Variants in SHANK2 observed in about 807,000 individuals in gnomAD.
The protein encoded by SHANK2 is SH3 and multiple ankyrin repeat domains 2.
SHANK2 carries 43 observed loss-of-function variants against 133.7 expected under a neutral mutation model. The observed-to-expected ratio is 0.32, with a 90% CI of 0.25 to 0.41. The LOEUF (loss-of-function observed/expected upper bound fraction) is 0.41. Ranked by LOEUF, SHANK2 falls within the 10% of genes least tolerant of loss-of-function variation. The pLI is 1.00. For synonymous variants in SHANK2, 1,017 were observed against 952.8 expected (o/e 1.07, Z -1.24); for missense variants, 1,994 against 2,235.8 (o/e 0.89, Z 2.18).
chr11:71,178,649 C>A (rs1353716703), intron 2 of SHANK2, among the ~76,000 whole-genome samples: 2 of 151,890 alleles, frequency 1.3e-5, no homozygotes, highest in Non-Finnish European at 2.9e-5. Context: ...AAAATAAAGA[C>A]AAATACAAAT....
At chr11:70,947,305 G>A (rs782517323) in intron 10 of SHANK2, among the ~76,000 whole-genome samples, 1 of 151,568 alleles carries the variant, frequency 6.6e-6, no homozygotes, top group Non-Finnish European at 1.5e-5. Context: ...GGGTCTGGCT[G>A]CAGAGCACCT....
chr11:70,596,095 A>G (rs2060395979), intron 17 of SHANK2, among the ~76,000 whole-genome samples: 1 of 152,198 alleles, frequency 6.6e-6, no homozygotes, highest in African/African-American at 2.4e-5. Flanking sequence ...CACCCAGCTG[A>G]CACCTTGGTT....
chr11:70,914,914 A>C (rs1168973713), intron 10 of SHANK2, among the ~76,000 whole-genome samples: 1 of 150,846 alleles, frequency 6.6e-6, no homozygotes, highest in African/African-American at 2.4e-5. Flanking sequence ...AAAAAAAAGA[A>C]AGAAAGAAAA....
chr11:70,582,031 G>A (rs1554985590), intron 17 of SHANK2, among the ~76,000 whole-genome samples: 2 of 152,228 alleles, frequency 1.3e-5, no homozygotes, highest in East Asian at 3.9e-4. Context: ...CTGGTCAATG[G>A]GAGGGGACAG....
At chr11:70,616,957 T>G (rs1371150762) in intron 17 of SHANK2, among the ~76,000 whole-genome samples, 1 of 152,118 alleles carries the variant, frequency 6.6e-6, no homozygotes, top group African/African-American at 2.4e-5. Flanking sequence ...AGTGTGTGTG[T>G]ATGTGTGTGA....
intron 9 of SHANK2, among the ~76,000 whole-genome samples, chr11:71,061,993 T>C (rs1466421015): frequency 2.1e-4 from 30 of 144,734 alleles, no homozygotes; most frequent in African/African-American, 7.1e-4. Context: ...TTTTTTTTTT[T>C]CTTGAGACAG....
chr11:70,554,488 T>C (rs1362793684), intron 17 of SHANK2, among the ~76,000 whole-genome samples: 2 of 125,130 alleles, frequency 1.6e-5, no homozygotes, highest in African/African-American at 2.9e-5. Context: ...TTTTGGAACA[T>C]TTTTGGATTT....
rs1214604910 is a variant in SHANK2, at chr11:70,535,624, AGTGTT to A, written c.2062-32698_2062-32694del. The stretch of plus-strand genomic sequence containing the variant: ...CTGTCAGGTTGCCTCTGTGAGGTCA[AGTGTT>A]GTGCTAGACGCTGGGGAATGAATAA... On this transcript the variant is annotated intron_variant, in intron 17 of 25. Coordinates refer to ENST00000601538, the MANE Select transcript of SHANK2 (RefSeq NM_012309.5). This position sits in a 1 kb window ranked among gnomAD's most constrained non-coding sequence, Gnocchi z 4.3. Among the ~76,000 whole-genome samples the A allele has an allele frequency of 1.3e-5, 2 of 152,120 alleles. No homozygotes were observed. Among genetic ancestry groups the A allele is most frequent in the African/African-American group, 4.8e-5 (2 of 41,410 alleles).
At chr11:70,614,689 G>C (rs1410438294) in intron 17 of SHANK2, among the ~76,000 whole-genome samples, 1 of 152,200 alleles carries the variant, frequency 6.6e-6, no homozygotes, top group African/African-American at 2.4e-5. Context: ...CCATCCTCCA[G>C]TCTTTGTCTC....
chr11:70,897,965 T>G (rs1949962294), intron 10 of SHANK2, among the ~76,000 whole-genome samples: 1 of 147,182 alleles, frequency 6.8e-6, no homozygotes, highest in Admixed American at 6.7e-5. Context: ...CACACACTTT[T>G]TTTTTTCTTT....
chr11:70,681,532 C>A (rs1945029237), intron 15 of SHANK2, among the ~76,000 whole-genome samples: 1 of 152,154 alleles, frequency 6.6e-6, no homozygotes, highest in Non-Finnish European at 1.5e-5. Context: ...AGAAATGGGA[C>A]CCACCAGCGG....
chr11:70,547,342 C>A (rs1174518249), intron 17 of SHANK2, among the ~76,000 whole-genome samples: 1 of 152,150 alleles, frequency 6.6e-6, no homozygotes. Flanking sequence ...CTCACTGCAA[C>A]CTCCACCTCT....
chr11:71,085,520 GCT>G (rs1951368155), intron 8 of SHANK2, among the ~76,000 whole-genome samples: 2 of 98,080 alleles, frequency 2.0e-5, no homozygotes, highest in African/African-American at 4.0e-5. Flanking sequence ...TATTATATAT[GCT>G]ATATATTATA....
At chr11:70,764,245 GCATCCATC>G (rs782104708) in intron 14 of SHANK2, among the ~76,000 whole-genome samples, 6 of 114,772 alleles carry the variant, frequency 5.2e-5, no homozygotes, top group African/African-American at 1.0e-4. Flanking sequence ...ACCCACCCAT[GCATCCATC>G]CATCCATCCA....
intron 17 of SHANK2, among the ~76,000 whole-genome samples, chr11:70,636,655 A>C (rs1310137700): frequency 7.0e-6 from 1 of 142,778 alleles, no homozygotes; most frequent in Non-Finnish European, 1.5e-5. Flanking sequence ...GAGCATATGA[A>C]TATATGTGTG....
chr11:70,565,427 T>C (rs2059956741), intron 17 of SHANK2, among the ~76,000 whole-genome samples: 1 of 152,140 alleles, frequency 6.6e-6, no homozygotes. Context: ...TGTATTTTTG[T>C]AGTAGAGATG....
chr11:71,129,875 G>A (rs553957472), intron 3 of SHANK2, among the ~76,000 whole-genome samples: 6 of 152,250 alleles, frequency 3.9e-5, no homozygotes, highest in African/African-American at 1.2e-4. Context: ...AAAACAGGCT[G>A]CTTAAACCGC....
intron 14 of SHANK2, among the ~76,000 whole-genome samples, chr11:70,753,080 T>C (rs1946789402): frequency 6.6e-6 from 1 of 150,878 alleles, no homozygotes; most frequent in Non-Finnish European, 1.5e-5. Context: ...GCCACTGCAC[T>C]CCAACCTGGG....
intron 14 of SHANK2, among the ~76,000 whole-genome samples, chr11:70,776,563 G>C (rs1555043935): frequency 6.6e-6 from 1 of 152,096 alleles, no homozygotes; most frequent in Non-Finnish European, 1.5e-5. Context: ...ATCTCATTGG[G>C]TAATGTAAAG....
Sources: gnomAD v4.1 joint callset for allele counts (sites outside exome capture counted in the v4.1 genomes callset) on GRCh38, gnomAD v4.1.1 for gene constraint, Gnocchi (gnomAD v3.1) non-coding constraint, MANE v1.5 for transcripts, NCBI Gene and HGNC (gene_info 2026-07-23, HGNC 2026-07-21) for gene names.